Variants in GIGYF2 observed in about 807,000 individuals in gnomAD.
GIGYF2 encodes GRB10-interacting GYF protein 2.
Under a neutral mutation model 208.1 loss-of-function variants are expected in GIGYF2, and 25 were observed. The ratio of observed to expected loss-of-function variants is 0.12; its 90% CI spans 0.09 to 0.17. The LOEUF (loss-of-function observed/expected upper bound fraction) is 0.17. GIGYF2 is among the 10% of genes least tolerant of loss of function. The probability of loss-of-function intolerance (pLI) is 1.00; values close to 1 mark genes in which losing one functional copy is unlikely to be tolerated. For missense variants in GIGYF2, 1,302 were observed against 1,579.4 expected, an observed-to-expected ratio of 0.82 and a Z score of 2.98; for synonymous variants, 534 against 543.8, an observed-to-expected ratio of 0.98 and a Z score of 0.25.
chr2:232,852,095 C>G (rs900711713), intron 28 of GIGYF2, among the ~76,000 whole-genome samples: 3 of 152,200 alleles, frequency 2.0e-5, no homozygotes, highest in Non-Finnish European at 4.4e-5. Context: ...TTTGAAATGT[C>G]TGTGGGACAT....
intron 22 of GIGYF2, among the ~76,000 whole-genome samples, chr2:232,834,036 A>C (rs1005826086): frequency 6.6e-6 from 1 of 152,072 alleles, no homozygotes; most frequent in African/African-American, 2.4e-5. Context: ...TGAGGGAGGA[A>C]GGCAGAAGCT....
At chr2:232,832,759 T>C (rs1198467390) in intron 21 of GIGYF2, 98 bp from the exon 22 acceptor site, 2 of 841,068 alleles carry the variant, frequency 2.4e-6, no homozygotes, top group Non-Finnish European at 3.8e-6. Flanking sequence ...TTCTCTGTCA[T>C]CTCTATAGCC....
At chr2:232,834,025 C>T (rs1309361371) in intron 22 of GIGYF2, among the ~76,000 whole-genome samples, 2 of 151,740 alleles carry the variant, frequency 1.3e-5, no homozygotes, top group African/African-American at 4.8e-5. Context: ...GTCTCTGGAG[C>T]TGAGGGAGGA....
chr2:232,748,358 C>T (rs1043125884), intron 4 of GIGYF2, among the ~76,000 whole-genome samples: 3 of 152,222 alleles, frequency 2.0e-5, no homozygotes, highest in Non-Finnish European at 4.4e-5. Flanking sequence ...TCTCATCTCA[C>T]TGCAACCTCT....
intron 21 of GIGYF2, among the ~76,000 whole-genome samples, chr2:232,832,112 G>A (rs1701438434): frequency 6.6e-6 from 1 of 152,196 alleles, no homozygotes; most frequent in African/African-American, 2.4e-5. Context: ...AGGCAAAGGT[G>A]AAGTATACCT....
At chr2:232,793,768 CAG>C (rs1700140940) in intron 12 of GIGYF2, among the ~76,000 whole-genome samples, 1 of 152,070 alleles carries the variant, frequency 6.6e-6, no homozygotes, top group African/African-American at 2.4e-5. Context: ...GAAAAATCCT[CAG>C]AGGTAAAAGT....
At chr2:232,855,700 G>T (rs1010666322) in intron 28 of GIGYF2, among the ~76,000 whole-genome samples, 1 of 152,086 alleles carries the variant, frequency 6.6e-6, no homozygotes. Context: ...GTGGGTTGAG[G>T]TTTAAAGGGG....
chr2:232,750,022 T>C (rs955952865), intron 5 of GIGYF2, among the ~76,000 whole-genome samples: 1 of 151,716 alleles, frequency 6.6e-6, no homozygotes, highest in African/African-American at 2.4e-5. Context: ...CTATCTCTAC[T>C]AAAAATAAAA....
Position 232,704,945 on chromosome 2 carries a change from C to T in GIGYF2, c.-44+1456C>T, listed in dbSNP as rs371249379. Among the ~76,000 whole-genome samples, 81 of 142,866 alleles carry T rather than the reference C, an allele frequency of 5.7e-4. 2 individuals are homozygous for T. Among genetic ancestry groups the T allele is most frequent in the Admixed American group, 1.7e-3 (23 of 13,432 alleles). The allele number at this position is 142,866 out of a possible 152,430, so 93.7% of individuals were successfully genotyped here. ...CGCGATCTCTGCTCACTGCAAGCTC[C>T]GCCTCCCGGGTTCACGCAATTCTCC... On this transcript the variant is annotated intron_variant, in intron 2 of 28. Coordinates refer to ENST00000373563, the MANE Select transcript of GIGYF2 (RefSeq NM_001103146.3).
chr2:232,845,935 C>A, intron 26 of GIGYF2, 49 bp downstream of exon 26: 1 of 1,312,086 alleles, frequency 7.6e-7, no homozygotes, highest in Non-Finnish European at 1.1e-6. Flanking sequence ...AGAGCAGGAC[C>A]CACAGAGAGG....
At chr2:232,769,309 T>A (rs1045588948) in intron 8 of GIGYF2, among the ~76,000 whole-genome samples, 1 of 151,460 alleles carries the variant, frequency 6.6e-6, no homozygotes, top group Non-Finnish European at 1.5e-5. Context: ...GGCGGGCGGG[T>A]CATTTGAGGT....
intron 21 of GIGYF2, among the ~76,000 whole-genome samples, chr2:232,827,997 C>CT (rs201861951): frequency 0.024 from 3,545 of 150,446 alleles, 148 homozygotes; most frequent in African/African-American, 0.081. Flanking sequence ...TTTTCTTTTT[C>CT]TTTTTTTTTG....
intron 27 of GIGYF2, 131 bp downstream of exon 27, chr2:232,847,702 T>C: frequency 8.1e-6 from 10 of 1,231,446 alleles, no homozygotes; most frequent in Non-Finnish European, 1.2e-5. Flanking sequence ...AAAAAATGTG[T>C]ATACTTCATA....
chr2:232,714,012 C>T (rs1696555042), intron 2 of GIGYF2, among the ~76,000 whole-genome samples: 3 of 148,610 alleles, frequency 2.0e-5, no homozygotes, highest in South Asian at 2.1e-4. Flanking sequence ...TGTAGTGGTG[C>T]GATCTCGGCT....
At chr2:232,834,233 G>A (rs1383258513) in intron 22 of GIGYF2, among the ~76,000 whole-genome samples, 1 of 152,092 alleles carries the variant, frequency 6.6e-6, no homozygotes, top group East Asian at 1.9e-4. Context: ...ACATAAACAG[G>A]CAAGTAGAAT....
chr2:232,715,256 C>T (rs1477384297), intron 2 of GIGYF2, among the ~76,000 whole-genome samples: 1 of 152,110 alleles, frequency 6.6e-6, no homozygotes, highest in Non-Finnish European at 1.5e-5. Context: ...TTGTTCATAA[C>T]ATTATTTATG....
intron 5 of GIGYF2, among the ~76,000 whole-genome samples, chr2:232,753,378 C>A (rs1394203092): frequency 6.6e-6 from 1 of 152,162 alleles, no homozygotes; most frequent in Non-Finnish European, 1.5e-5. Context: ...CCTGCCTTGG[C>A]CTCCCAAAGT....
intron 3 of GIGYF2, among the ~76,000 whole-genome samples, chr2:232,741,987 C>T (rs1357445692): frequency 3.3e-5 from 5 of 152,138 alleles, no homozygotes; most frequent in Non-Finnish European, 7.3e-5. Flanking sequence ...CTTTCCAGCT[C>T]TCCTTATTCT....
intron 3 of GIGYF2, among the ~76,000 whole-genome samples, chr2:232,738,881 T>C (rs1002468268): frequency 2.0e-5 from 3 of 152,212 alleles, no homozygotes; most frequent in African/African-American, 7.2e-5. Flanking sequence ...ATTTTATGAA[T>C]TGAATTGTCA....
Sources: allele counts gnomAD v4.1 joint callset (sites outside exome capture counted in the v4.1 genomes callset), GRCh38; gene constraint gnomAD v4.1.1; transcripts MANE v1.5; gene names NCBI Gene and HGNC (gene_info 2026-07-23, HGNC 2026-07-21).